Variants in RAP1GAP2 observed in about 807,000 individuals in gnomAD.
RAP1GAP2 encodes the protein rap1 GTPase-activating protein 2.
Under a neutral mutation model 95.0 loss-of-function variants are expected in RAP1GAP2, and 27 were observed. The observed-to-expected ratio is 0.28, with a 90% CI of 0.21 to 0.39. RAP1GAP2 has a LOEUF of 0.39. Among genes scored for constraint, RAP1GAP2 ranks in the 10% least tolerant of loss-of-function variants. The probability of loss-of-function intolerance (pLI) is 1.00; values close to 1 mark genes in which losing one functional copy is unlikely to be tolerated. For synonymous variants in RAP1GAP2, 373 were observed against 380.9 expected (o/e 0.98, Z 0.24); for missense variants, 771 against 970.0 (o/e 0.79, Z 2.72).
chr17:2,979,713 CTT>C (rs34129440), intron 8 of RAP1GAP2, among the ~76,000 whole-genome samples: 25,149 of 151,920 alleles, frequency 0.17, 2,214 homozygotes, highest in Admixed American at 0.21. Flanking sequence ...GATCCACCCT[CTT>C]TGGCTTCCCA....
At position 2,785,401 on chromosome 17, in the gene RAP1GAP2, G is replaced by GAA. The variant is rs11419211; in HGVS notation, c.-14+8135_-14+8136dup. On this transcript the variant is annotated intron_variant, in intron 1 of 24. Transcript: ENST00000540393. ...GGAGGAGAGAAAAAGCAAAAAGTTGGAAAAAAAAAAAAAGTAAGATAAATA... is the reference window on the plus strand; with the variant it reads ...GGAGGAGAGAAAAAGCAAAAAGTTGGAAAAAAAAAAAAAAAGTAAGATAAATA... Among the ~76,000 whole-genome samples, 479 of 142,218 alleles carry GAA rather than the reference G, an allele frequency of 3.4e-3. 4 individuals are homozygous for GAA. The highest frequency in any genetic ancestry group is 0.011 in the African/African-American group (409 of 38,944). The allele number at this position is 142,218 out of a possible 152,430, so 93.3% of individuals were successfully genotyped here. A position where few individuals can be genotyped will look rare whatever the true frequency, so the allele number is the denominator to read the frequency against.
chr17:2,963,197 C>T lies in RAP1GAP2; in HGVS notation c.247-233C>T, dbSNP rs1242695163. ...GTATCACGAGGGGTGAGAAGTTCAG[C>T]ACCTTCGGACACTGCATCATCAGCT... On this transcript the variant is annotated intron_variant, in intron 5 of 24. Coordinates refer to ENST00000254695, the MANE Select transcript of RAP1GAP2 (RefSeq NM_015085.5). This position sits in a 1 kb window ranked among gnomAD's most constrained non-coding sequence, Gnocchi z 4.8. 1.2e-5 allele frequency: 7 copies of T among 596,512 alleles called. No homozygotes were observed. In the Admixed American group the frequency reaches 2.1e-4, roughly 18 times the overall value. The allele number at this position is 596,512 out of a possible 1,614,324, so 37.0% of individuals were successfully genotyped here.
chr17:2,914,518 T>G (rs974657490), intron 3 of RAP1GAP2, among the ~76,000 whole-genome samples: 19 of 152,088 alleles, frequency 1.2e-4, no homozygotes, highest in Non-Finnish European at 2.8e-4. Context: ...TGAGGCAGAG[T>G]CTCGCTCTGT....
intron 2 of RAP1GAP2, among the ~76,000 whole-genome samples, chr17:2,852,723 G>C (rs894520384): frequency 5.3e-5 from 8 of 152,320 alleles, no homozygotes; most frequent in South Asian, 2.1e-4. Flanking sequence ...CTTTTCCCTA[G>C]AGGGGCAAAG....
Position 2,770,272 on chromosome 17 carries a change from C to T in RAP1GAP2, c.51-57C>T, listed in dbSNP as rs1428219146. 1.3e-5 allele frequency: 5 copies of T among 398,282 alleles called. No homozygotes were observed. In the Admixed American group the frequency reaches 1.8e-4, roughly 14 times the overall value. 24.7% of individuals were successfully genotyped at this position (398,282 alleles called of 1,614,324 possible). A position where few individuals can be genotyped will look rare whatever the true frequency, so the allele number is the denominator to read the frequency against. On this transcript the variant is annotated intron_variant, in intron 1 of 25. Coordinates refer to the RAP1GAP2 transcript ENST00000637138. ...TTCTCCGGCAAGCAGGGCTGACTCT[C>T]CCAAGGAGCTCTGCAGAGCTCAGCC...
intron 2 of RAP1GAP2, among the ~76,000 whole-genome samples, chr17:2,897,496 T>C (rs1212222644): frequency 1.3e-5 from 2 of 151,434 alleles, no homozygotes; most frequent in African/African-American, 2.4e-5. Flanking sequence ...CTGCAACCTC[T>C]GCCTCCTGGG....
intron 3 of RAP1GAP2, among the ~76,000 whole-genome samples, chr17:2,920,839 C>T (rs985907032): frequency 4.6e-5 from 7 of 152,308 alleles, no homozygotes; most frequent in East Asian, 1.9e-4. Flanking sequence ...GGCTCAGCAG[C>T]GGGATGCTGC....
intron 17 of RAP1GAP2, among the ~76,000 whole-genome samples, chr17:3,010,606 C>T (rs1176618080): frequency 1.3e-5 from 2 of 152,146 alleles, no homozygotes; most frequent in African/African-American, 2.4e-5. Flanking sequence ...GGCCTGAGGC[C>T]GCTCTGTCCA....
intron 2 of RAP1GAP2, among the ~76,000 whole-genome samples, chr17:2,845,650 C>T (rs2151580516): frequency 6.6e-6 from 1 of 150,576 alleles, no homozygotes; most frequent in Admixed American, 6.6e-5. Context: ...ATCATGAGGT[C>T]AGGAGTTCGA....
In RAP1GAP2 at chr17:2,906,080, G is replaced by A. The variant is rs933995543; in HGVS notation, c.165+712G>A. Among the ~76,000 whole-genome samples the A allele has an allele frequency of 1.3e-5, 2 of 152,134 alleles. No homozygotes were observed. Among genetic ancestry groups the A allele is most frequent in the Non-Finnish European group, 2.9e-5 (2 of 68,012 alleles). Reference sequence around the variant, plus strand: ...TGTTTCTGCATAGGCTGGCATGCACGCTCTCCCTCCCTCCCTCCCTGCCTC... The same window carrying A: ...TGTTTCTGCATAGGCTGGCATGCACACTCTCCCTCCCTCCCTCCCTGCCTC... On this transcript the variant is annotated intron_variant, in intron 3 of 24. Transcript: ENST00000254695. The surrounding 1 kb of genome is among the most constrained non-coding windows in gnomAD (Gnocchi z 4.3).
chr17:3,002,738 G>A (rs2151598211), intron 14 of RAP1GAP2, among the ~76,000 whole-genome samples: 1 of 152,298 alleles, frequency 6.6e-6, no homozygotes, highest in South Asian at 2.1e-4. Flanking sequence ...GGAGGGGCCG[G>A]GCTGCCTGGG....
At chr17:2,927,802 C>T (rs569346377) in intron 3 of RAP1GAP2, among the ~76,000 whole-genome samples, 29 of 152,310 alleles carry the variant, frequency 1.9e-4, no homozygotes, top group South Asian at 8.3e-4. Flanking sequence ...GCCGGCCCAC[C>T]GCATAGCGGG....
At chr17:2,818,975 AC>A (rs1055814296) in intron 2 of RAP1GAP2, among the ~76,000 whole-genome samples, 2 of 151,726 alleles carry the variant, frequency 1.3e-5, no homozygotes, top group African/African-American at 4.8e-5. Context: ...TGGATATATT[AC>A]CATTATCGTT....
At chr17:3,020,305 T>C (rs996990282) in intron 18 of RAP1GAP2, among the ~76,000 whole-genome samples, 172 bp from the exon 19 acceptor site, 2 of 152,238 alleles carry the variant, frequency 1.3e-5, no homozygotes, top group Admixed American at 1.3e-4. Context: ...GTGACTGGCC[T>C]GAGTCTCCAG....
At chr17:2,879,717 C>T (rs1371065704) in intron 2 of RAP1GAP2, among the ~76,000 whole-genome samples, 2 of 125,286 alleles carry the variant, frequency 1.6e-5, no homozygotes, top group Non-Finnish European at 3.4e-5. Context: ...CAGGGCGAGA[C>T]TCCATCTCAA....
At chr17:2,910,413 C>A (rs1322742547) in intron 3 of RAP1GAP2, among the ~76,000 whole-genome samples, 11 of 152,170 alleles carry the variant, frequency 7.2e-5, no homozygotes, top group Non-Finnish European at 1.6e-4. Flanking sequence ...TTATAGCACA[C>A]TGAGGCCAGA....
chr17:2,980,224 C>G (rs544161240), intron 8 of RAP1GAP2, 63 bp from the exon 9 acceptor site: 5 of 1,526,676 alleles, frequency 3.3e-6, no homozygotes, highest in Non-Finnish European at 4.5e-6. Context: ...ATGACAGGCA[C>G]GAGTCCCCGC....
intron 3 of RAP1GAP2, among the ~76,000 whole-genome samples, chr17:2,941,928 C>G (rs2043515046): frequency 6.6e-6 from 1 of 152,164 alleles, no homozygotes; most frequent in Non-Finnish European, 1.5e-5. Flanking sequence ...GGTGATCCAC[C>G]TGCCTCGGCC....
chr17:2,770,933 C>T (rs919832954), intron 2 of RAP1GAP2, among the ~76,000 whole-genome samples: 2 of 152,164 alleles, frequency 1.3e-5, no homozygotes, highest in Non-Finnish European at 2.9e-5. Flanking sequence ...CCCAGCTACT[C>T]GGGATTGAGT....
Sources: allele counts gnomAD v4.1 joint callset (sites outside exome capture counted in the v4.1 genomes callset), GRCh38; gene constraint gnomAD v4.1.1; non-coding constraint Gnocchi (gnomAD v3.1); transcripts MANE v1.5; gene names NCBI Gene and HGNC (gene_info 2026-07-23, HGNC 2026-07-21).